FBRSL1: variants seen among roughly 807,000 people sequenced by gnomAD.
The protein encoded by FBRSL1 is fibrosin like 1, also known as fibrosin-1-like protein.
In FBRSL1, 51 loss-of-function variants were observed where a neutral mutation model predicts 89.6. The observed-to-expected ratio is 0.57, with a 90% CI of 0.45 to 0.72. FBRSL1 has a LOEUF of 0.72. Ranked by LOEUF, FBRSL1 falls within the 30% of genes least tolerant of loss-of-function variation. The pLI, the probability that FBRSL1 is intolerant of heterozygous loss-of-function variation, is 0.00. For synonymous variants in FBRSL1, 779 were observed against 681.1 expected, an observed-to-expected ratio of 1.14 and a Z score of -2.24; for missense variants, 1,618 against 1,451.8, an observed-to-expected ratio of 1.11 and a Z score of -1.86.
rs1399183348 is a variant in FBRSL1, at chr12:132,490,732, C to G, written c.162C>G (p.Pro54=). ...KENAGLRGAP[P]RGAAPAPRTA... is the part of the protein sequence containing the mutation. ...ACGCGGGCCTCCGCGGCGCGCCCCC[C>G]CGAGGCGCCGCCCCCGCGCCCCGCA... The change falls in exon 1 of 19, where the codon CCC becomes CCG. Residue 54 remains proline (P), a synonymous_variant. Transcript: ENST00000680143. The G allele has an allele frequency of 2.3e-5, 23 of 991,648 alleles. No homozygotes were observed. The highest frequency in any genetic ancestry group is 2.6e-5 in the Non-Finnish European group (22 of 836,374). The allele number at this position is 991,648 out of a possible 1,614,324, so 61.4% of individuals were successfully genotyped here. A position where few individuals can be genotyped will look rare whatever the true frequency, so the allele number is the denominator to read the frequency against.
At chr12:132,577,269 G>A (rs889878984) in intron 15 of FBRSL1, among the ~76,000 whole-genome samples, 1 of 152,026 alleles carries the variant, frequency 6.6e-6, no homozygotes, top group Admixed American at 6.6e-5. Flanking sequence ...GGCTGGTCCT[G>A]GCCACCCCTC....
At chr12:132,550,067 G>A (rs984278545) in intron 5 of FBRSL1, among the ~76,000 whole-genome samples, 3 of 152,020 alleles carry the variant, frequency 2.0e-5, no homozygotes, top group Middle Eastern at 3.4e-3. Flanking sequence ...TCCTGCACAC[G>A]GAGGGTCCCG....
chr12:132,498,925 A>G (rs2032507519), intron 1 of FBRSL1, among the ~76,000 whole-genome samples: 1 of 152,238 alleles, frequency 6.6e-6, no homozygotes, highest in Admixed American at 6.5e-5. Flanking sequence ...AACCCCAGCC[A>G]GGTCCCGTGG....
intron 5 of FBRSL1, among the ~76,000 whole-genome samples, chr12:132,566,614 C>T (rs538366400): frequency 1.7e-4 from 25 of 146,824 alleles, no homozygotes; most frequent in African/African-American, 6.1e-4. Flanking sequence ...AGGAGTGGGG[C>T]TGAGCAATTT....
chr12:132,546,654 G>C lies in FBRSL1; in HGVS notation c.616-1349G>C, dbSNP rs1177635880. Among the ~76,000 whole-genome samples, 1 of 152,144 alleles carries C rather than the reference G, an allele frequency of 6.6e-6. No individual in the cohort carries two copies. The highest frequency in any genetic ancestry group is 2.4e-5 in the African/African-American group (1 of 41,438). ...ACGGCTGAAAGGCCAGACCAGGGGGGACCAGCACACAGCCGGGACAGACAG... is the reference window on the plus strand; with the variant it reads ...ACGGCTGAAAGGCCAGACCAGGGGGCACCAGCACACAGCCGGGACAGACAG... On this transcript the variant is annotated intron_variant, in intron 4 of 18. Transcript: ENST00000680143. This position sits in a 1 kb window ranked among gnomAD's most constrained non-coding sequence, Gnocchi z 4.0.
chr12:132,555,637 G>A (rs996511618), intron 5 of FBRSL1, among the ~76,000 whole-genome samples: 1 of 152,210 alleles, frequency 6.6e-6, no homozygotes, highest in African/African-American at 2.4e-5. Flanking sequence ...AGGCCCCAGA[G>A]GAGGATCCTT....
chr12:132,497,506 CCCCCTCCCTCCGGACTCCCCCTCCATACT>C (rs2032231921), intron 1 of FBRSL1, among the ~76,000 whole-genome samples: 1 of 152,068 alleles, frequency 6.6e-6, no homozygotes. Context: ...TCCCAGGCTG[CCCCCTCCCTCCGGACTCCCCCTCCATACT>C]CCCCTACCCA....
intron 8 of FBRSL1, among the ~76,000 whole-genome samples, 178 bp from the exon 9 acceptor site, chr12:132,570,890 G>A (rs949708372): frequency 3.4e-4 from 52 of 152,228 alleles, no homozygotes; most frequent in African/African-American, 1.3e-3. Context: ...CCATCCCAGT[G>A]GAACCCCGAC....
rs565873192 is a variant in FBRSL1 at position 132,581,434 on chromosome 12, C to G, written c.1835-5C>G. ...GCTTCTGTCAAACCTGGCTGCCCCCCCCAGGTGCCGCCCATCCTGCCTCCA... is the reference window on the plus strand; with the variant it reads ...GCTTCTGTCAAACCTGGCTGCCCCCGCCAGGTGCCGCCCATCCTGCCTCCA... On this transcript the variant is annotated splice_polypyrimidine_tract_variant and splice_region_variant and intron_variant, in intron 15 of 18. Transcript: ENST00000680143. 1.5e-5 allele frequency: 24 copies of G among 1,550,864 alleles called. No individual in the cohort carries two copies. The highest frequency in any genetic ancestry group is 2.7e-5 in the African/African-American group (2 of 73,050).
chr12:132,519,398 G>C (rs527459134), intron 2 of FBRSL1, among the ~76,000 whole-genome samples: 2 of 152,228 alleles, frequency 1.3e-5, no homozygotes, highest in African/African-American at 4.8e-5. Context: ...TGGAGGAGGG[G>C]ATGGCATGCT....
intron 2 of FBRSL1, among the ~76,000 whole-genome samples, chr12:132,513,638 G>A (rs2034569915): frequency 6.6e-6 from 1 of 152,246 alleles, no homozygotes; most frequent in African/African-American, 2.4e-5. Flanking sequence ...TATGGGGAGG[G>A]CGTGAGCCTT....
At chr12:132,533,988 G>T (rs1246253398) in intron 4 of FBRSL1, among the ~76,000 whole-genome samples, 1 of 152,198 alleles carries the variant, frequency 6.6e-6, no homozygotes, top group African/African-American at 2.4e-5. Context: ...GAGAGAACAG[G>T]GAGGGGTGCA....
intron 1 of FBRSL1, among the ~76,000 whole-genome samples, chr12:132,493,905 C>A (rs1343227298): frequency 1.3e-5 from 2 of 152,194 alleles, no homozygotes; most frequent in East Asian, 1.9e-4. Context: ...CAGGGTCTGG[C>A]CTGGCTCAGG....
At chr12:132,532,372 C>T (rs1049487571) in intron 4 of FBRSL1, among the ~76,000 whole-genome samples, 4 of 152,192 alleles carry the variant, frequency 2.6e-5, no homozygotes. Context: ...TCGGCCATGC[C>T]CACCCAGAAT....
At position 132,572,274 on chromosome 12, in the gene FBRSL1, T is replaced by C; in HGVS notation, c.1378-14T>C. ...GTGTGTGCGGGGCCTCACCCTCCTC[T>C]CCTTCCCTTCCAGTTTGACAAGTAT... On this transcript the variant is annotated splice_polypyrimidine_tract_variant and intron_variant, in intron 9 of 18. Coordinates refer to ENST00000680143, the MANE Select transcript of FBRSL1 (RefSeq NM_001367871.1). 1.3e-6 allele frequency: 2 copies of C among 1,550,670 alleles called. No individual in the cohort carries two copies. Among genetic ancestry groups the C allele is most frequent in the Non-Finnish European group, 1.7e-6 (2 of 1,146,548 alleles).
At chr12:132,494,078 T>C (rs537909078) in intron 1 of FBRSL1, among the ~76,000 whole-genome samples, 2 of 152,230 alleles carry the variant, frequency 1.3e-5, no homozygotes, top group African/African-American at 2.4e-5. Context: ...GACTTTCTAC[T>C]CTGTAACCAG....
intron 2 of FBRSL1, among the ~76,000 whole-genome samples, chr12:132,518,656 G>A (rs114254383): frequency 0.013 from 1,566 of 121,654 alleles, 15 homozygotes; most frequent in African/African-American, 0.047. Context: ...CCATCCACCC[G>A]TGCATCCATC....
intron 1 of FBRSL1, chr12:132,507,485 G>A: frequency 1.1e-6 from 1 of 938,006 alleles, no homozygotes; most frequent in Non-Finnish European, 1.3e-6. Flanking sequence ...GTGTCCTGGG[G>A]CTGTCCGCAG....
At chr12:132,518,371 GTA>G (rs1201072608) in intron 2 of FBRSL1, among the ~76,000 whole-genome samples, 2 of 147,942 alleles carry the variant, frequency 1.4e-5, no homozygotes, top group East Asian at 2.0e-4. Context: ...CATCTGTAGT[GTA>G]TCTCATCCAT....
Sources: gnomAD v4.1 joint callset for allele counts (sites outside exome capture counted in the v4.1 genomes callset) on GRCh38, gnomAD v4.1.1 for gene constraint, Gnocchi (gnomAD v3.1) non-coding constraint, MANE v1.5 for transcripts, NCBI Gene and HGNC (gene_info 2026-07-23, HGNC 2026-07-21) for gene names.